Variants in CRKL observed in about 807,000 individuals in gnomAD.
CRKL encodes crk-like protein.
Under a neutral mutation model 23.0 loss-of-function variants are expected in CRKL, and 3 were observed. The observed-to-expected ratio is 0.13, with a 90% CI of 0.06 to 0.34. The LOEUF (loss-of-function observed/expected upper bound fraction) is 0.34. Among genes scored for constraint, CRKL ranks in the 10% least tolerant of loss-of-function variants. The pLI is 1.00. For synonymous variants in CRKL, 188 were observed against 160.7 expected (o/e 1.17, Z -1.28); for missense variants, 256 against 394.5 (o/e 0.65, Z 2.97).
At chr22:20,930,116 T>C (rs926997600) in intron 1 of CRKL, among the ~76,000 whole-genome samples, 18 of 152,142 alleles carry the variant, frequency 1.2e-4, no homozygotes, top group African/African-American at 4.3e-4. Flanking sequence ...ACTATAGCAG[T>C]ATAGTAGTGG....
chr22:20,948,067 C>T lies in CRKL; in HGVS notation c.778-1644C>T, dbSNP rs150635445. ...AAAAGACAGAAGTTTTTTAAGGATA[C>T]GAACTGACCTGCCCATTTTCCATGG... On this transcript the variant is annotated intron_variant, in intron 2 of 2. Coordinates refer to ENST00000354336, the MANE Select transcript of CRKL (RefSeq NM_005207.4). 9.5e-4 allele frequency among the ~76,000 whole-genome samples: 144 copies of T among 152,204 alleles called. 2 individuals are homozygous for T. The highest frequency in any genetic ancestry group is 2.2e-3 in the African/African-American group (92 of 41,510).
intron 1 of CRKL, among the ~76,000 whole-genome samples, chr22:20,919,214 T>C (rs927319527): frequency 4.6e-5 from 7 of 152,148 alleles, no homozygotes; most frequent in African/African-American, 1.7e-4. Context: ...TTATAGTACG[T>C]TAATTACAAA....
At chr22:20,947,705 G>C (rs1194954189) in intron 2 of CRKL, among the ~76,000 whole-genome samples, 1 of 103,510 alleles carries the variant, frequency 9.7e-6, no homozygotes, top group Non-Finnish European at 1.8e-5. Context: ...TTTGAGACAG[G>C]GTCTTGCTCT....
In CRKL at chr22:20,933,958, G is replaced by A. The variant is rs200712124; in HGVS notation, c.491G>A (p.Arg164Gln). 1.0e-4 allele frequency: 164 copies of A among 1,614,074 alleles called. 1 individual carries two copies. The highest frequency in any genetic ancestry group is 1.1e-5 in the Non-Finnish European group (13 of 1,180,052). The change falls in exon 2 of 3, where the codon CGG becomes CAG. Residue 164 changes from arginine (R) to glutamine (Q), a missense_variant. Around this residue, in one of 3 missense-constraint regions of CRKL, gnomAD observed 129 missense variants for 222.1 expected, o/e 0.58. Coordinates refer to ENST00000354336, the MANE Select transcript of CRKL (RefSeq NM_005207.4). ...CCTGAAGAACAGTGGTGGAGTGCCCGGAACAAGGATGGCCGGGTTGGGATG... is the reference window on the plus strand; with the variant it reads ...CCTGAAGAACAGTGGTGGAGTGCCCAGAACAAGGATGGCCGGGTTGGGATG... ...EKPEEQWWSA[R>Q]NKDGRVGMIP...
rs1402095805 is a variant in CRKL, at chr22:20,917,775, C to T, written c.-160C>T. On this transcript the variant is annotated 5_prime_UTR_variant, in exon 1 of 3. Coordinates refer to ENST00000354336, the MANE Select transcript of CRKL (RefSeq NM_005207.4). Reference sequence around the variant, plus strand: ...GGGCGGCGTCGGAGGATGCTGCGGGCCCGGAGCCGAGAGGAAAGTGCTGGC... The same window carrying T: ...GGGCGGCGTCGGAGGATGCTGCGGGTCCGGAGCCGAGAGGAAAGTGCTGGC... 4.3e-6 allele frequency: 3 copies of T among 695,362 alleles called. No homozygotes were observed. Among genetic ancestry groups the T allele is most frequent in the Non-Finnish European group, 7.0e-6 (3 of 428,144 alleles). 43.1% of individuals were successfully genotyped at this position (695,362 alleles called of 1,614,324 possible). A position where few individuals can be genotyped will look rare whatever the true frequency, so the allele number is the denominator to read the frequency against.
At chr22:20,931,644 C>T (rs1487747096) in intron 1 of CRKL, among the ~76,000 whole-genome samples, 2 of 152,186 alleles carry the variant, frequency 1.3e-5, no homozygotes, top group East Asian at 1.9e-4. Flanking sequence ...TCTTTGGCTC[C>T]TCATTTGTAA....
intron 1 of CRKL, among the ~76,000 whole-genome samples, chr22:20,920,297 T>TC (rs1189132441): frequency 2.0e-5 from 3 of 151,942 alleles, no homozygotes; most frequent in African/African-American, 7.3e-5. Context: ...GGTCAGGAGT[T>TC]CAAGACCATC....
chr22:20,939,525 C>T (rs1402710552), intron 2 of CRKL, among the ~76,000 whole-genome samples: 3 of 152,178 alleles, frequency 2.0e-5, no homozygotes, highest in Non-Finnish European at 4.4e-5. Context: ...GGATTACAGG[C>T]GTGAGCCACC....
intron 2 of CRKL, among the ~76,000 whole-genome samples, chr22:20,936,414 T>C (rs902511039): frequency 1.3e-5 from 2 of 152,000 alleles, no homozygotes; most frequent in African/African-American, 4.8e-5. Context: ...AATGGCACGA[T>C]CTCGGTTCAC....
chr22:20,945,002 C>CT lies in CRKL; in HGVS notation c.778-4700dup, dbSNP rs1191329854. On this transcript the variant is annotated intron_variant, in intron 2 of 2. Transcript: ENST00000354336. ...TGCCCTGCCTGGAATTACTTTCTTT[C>CT]TTTTTTTTTGGGATGGAGTTTCGCT... Among the ~76,000 whole-genome samples, 22 of 149,624 alleles carry CT rather than the reference C, an allele frequency of 1.5e-4. No homozygotes were observed. The South Asian group carries it at 2.3e-3, about 16-fold the overall frequency.
At chr22:20,939,436 C>T (rs1042175701) in intron 2 of CRKL, among the ~76,000 whole-genome samples, 1 of 151,390 alleles carries the variant, frequency 6.6e-6, no homozygotes, top group Non-Finnish European at 1.5e-5. Flanking sequence ...TTAGTAGAGA[C>T]GGGGCTTCAC....
chr22:20,933,264 G>A (rs1281422986), intron 1 of CRKL, among the ~76,000 whole-genome samples: 4 of 152,110 alleles, frequency 2.6e-5, no homozygotes, highest in Admixed American at 6.6e-5. Flanking sequence ...CAGCTACTCA[G>A]GAGGCTGAGG....
intron 2 of CRKL, among the ~76,000 whole-genome samples, chr22:20,946,782 G>C (rs138996418): frequency 6.6e-6 from 1 of 151,652 alleles, no homozygotes; most frequent in Admixed American, 6.6e-5. Context: ...AGCTGGATCC[G>C]TGTACCATGA....
At chr22:20,937,485 G>A (rs932124014) in intron 2 of CRKL, among the ~76,000 whole-genome samples, 1 of 148,184 alleles carries the variant, frequency 6.7e-6, no homozygotes, top group Non-Finnish European at 1.5e-5. Flanking sequence ...GTGCGTGTGT[G>A]CTCACTGGAG....
intron 2 of CRKL, among the ~76,000 whole-genome samples, chr22:20,939,773 C>T (rs369272929): frequency 2.7e-5 from 4 of 147,416 alleles, no homozygotes; most frequent in East Asian, 4.0e-4. Context: ...ATATGATCTG[C>T]GTACATCTCT....
chr22:20,936,925 A>G (rs560636329), intron 2 of CRKL, among the ~76,000 whole-genome samples: 2 of 151,056 alleles, frequency 1.3e-5, no homozygotes, highest in Non-Finnish European at 3.0e-5. Context: ...AGTTGATAGA[A>G]TCTCAGCTCA....
intron 2 of CRKL, among the ~76,000 whole-genome samples, chr22:20,939,877 C>T (rs570433933): frequency 4.6e-4 from 70 of 151,212 alleles, no homozygotes; most frequent in Non-Finnish European, 7.4e-5. Flanking sequence ...CACCCTCTAC[C>T]TCCCAGGTTC....
intron 2 of CRKL, among the ~76,000 whole-genome samples, chr22:20,948,638 G>T (rs1215871158): frequency 6.6e-6 from 1 of 152,088 alleles, no homozygotes; most frequent in Non-Finnish European, 1.5e-5. Flanking sequence ...TTCATGGCAC[G>T]GACCATTGGA....
intron 2 of CRKL, among the ~76,000 whole-genome samples, chr22:20,939,906 A>G (rs539100120): frequency 1.2e-4 from 18 of 149,980 alleles, no homozygotes; most frequent in Admixed American, 8.7e-4. Flanking sequence ...CTCCTGCCTC[A>G]GCCTCCTGAG....
Sources: allele counts gnomAD v4.1 joint callset (sites outside exome capture counted in the v4.1 genomes callset), GRCh38; gene constraint gnomAD v4.1.1; regional missense constraint gnomAD v4.1.1; transcripts MANE v1.5; gene names NCBI Gene and HGNC (gene_info 2026-07-23, HGNC 2026-07-21).